The following ADGRV1 variants were observed in gnomAD, a reference collection of about 807,000 sequenced individuals.
ADGRV1 encodes G-protein coupled receptor 98.
Under a neutral mutation model 596.2 loss-of-function variants are expected in ADGRV1, and 359 were observed. The observed-to-expected ratio is 0.60, with a 90% CI of 0.55 to 0.66. The LOEUF is 0.66. ADGRV1 is among the 30% of genes least tolerant of loss of function. The pLI is 0.00. For synonymous variants in ADGRV1, 2,681 were observed against 2,679.2 expected (o/e 1.00, Z -0.02); for missense variants, 7,274 against 7,575.6 (o/e 0.96, Z 1.48).
intron 42 of ADGRV1, among the ~76,000 whole-genome samples, chr5:90,716,111 C>T (rs77932708): frequency 0.033 from 4,994 of 152,216 alleles, 298 homozygotes; most frequent in African/African-American, 0.11. Flanking sequence ...GCTGATAGCC[C>T]TGGGACACTG....
chr5:90,729,556 A>G, intron 49 of ADGRV1, 86 bp from the exon 50 acceptor site: 3 of 1,044,738 alleles, frequency 2.9e-6, no homozygotes, highest in Non-Finnish European at 4.2e-6. Context: ...GTTTCTTGAT[A>G]TTTTTATTAT....
At chr5:91,000,673 T>TGA (rs1251782950) in intron 85 of ADGRV1, among the ~76,000 whole-genome samples, 81 of 82,540 alleles carry the variant, frequency 9.8e-4, no homozygotes, top group African/African-American at 3.2e-3. Flanking sequence ...AGGATCTGTG[T>TGA]GTGTGTGTGT....
intron 89 of ADGRV1, among the ~76,000 whole-genome samples, chr5:91,161,103 A>C (rs2126960880): frequency 6.6e-6 from 1 of 152,252 alleles, no homozygotes; most frequent in Middle Eastern, 3.4e-3. Flanking sequence ...ATTCGGCCTC[A>C]GTCTTCCCTG....
Position 90,676,183 on chromosome 5 carries a change from T to G in ADGRV1, c.5417T>G (p.Val1806Gly). Residue 1806 changes from valine to glycine, a missense_variant, in exon 25 of 90, where the codon GTT becomes GGT. Coordinates refer to ENST00000405460, the MANE Select transcript of ADGRV1 (RefSeq NM_032119.4). ...SIPELEKSFKVELLNLEGGVA... is the reference protein window; with the variant it reads ...SIPELEKSFKGELLNLEGGVA... Reference sequence around the variant, plus strand: ...CCTGAACTGGAAAAATCTTTTAAAGTTGAGTTGTTAAACTTGGAAGGAGGA... The same window carrying G: ...CCTGAACTGGAAAAATCTTTTAAAGGTGAGTTGTTAAACTTGGAAGGAGGA... 6.2e-7 allele frequency: 1 copy of G among 1,606,378 alleles called. No homozygotes were observed. Among genetic ancestry groups the G allele is most frequent in the Non-Finnish European group, 8.5e-7 (1 of 1,176,812 alleles).
intron 33 of ADGRV1, 39 bp downstream of exon 33, chr5:90,694,740 A>G (rs770436137): frequency 2.7e-6 from 4 of 1,482,036 alleles, no homozygotes; most frequent in South Asian, 2.7e-5. Context: ...TTGCCCCAGT[A>G]AAGTCATCAT....
chr5:90,821,441 T>G (rs539755465), intron 75 of ADGRV1, among the ~76,000 whole-genome samples: 27 of 151,932 alleles, frequency 1.8e-4, no homozygotes, highest in Admixed American at 1.4e-3. Flanking sequence ...CCATCCAGCT[T>G]TGTTCCGTTG....
chr5:91,060,378 GTATA>G (rs199745758), intron 85 of ADGRV1, among the ~76,000 whole-genome samples: 7 of 77,120 alleles, frequency 9.1e-5, no homozygotes, highest in Admixed American at 5.5e-4. Context: ...ATGTGTGTGT[GTATA>G]TATATATATA....
At chr5:90,816,283 C>T (rs1356237380) in intron 75 of ADGRV1, among the ~76,000 whole-genome samples, 1 of 151,846 alleles carries the variant, frequency 6.6e-6, no homozygotes, top group Non-Finnish European at 1.5e-5. Context: ...AAATGAGGAA[C>T]ATTTACTTGC....
intron 87 of ADGRV1, among the ~76,000 whole-genome samples, chr5:91,114,804 G>A (rs552722151): frequency 3.8e-4 from 58 of 152,082 alleles, no homozygotes; most frequent in Non-Finnish European, 7.1e-4. Flanking sequence ...AGTCCCCATA[G>A]CCTTTCCTCT....
At chr5:90,989,130 A>C (rs1780748956) in intron 85 of ADGRV1, among the ~76,000 whole-genome samples, 1 of 151,952 alleles carries the variant, frequency 6.6e-6, no homozygotes, top group Non-Finnish European at 1.5e-5. Flanking sequence ...TAGCAGCATG[A>C]TTTATAATCC....
intron 79 of ADGRV1, chr5:90,850,583 T>C (rs1446888956): frequency 6.6e-6 from 1 of 152,172 alleles, no homozygotes; most frequent in Admixed American, 6.5e-5. Flanking sequence ...TTTCCCCTGT[T>C]GAACTATGTT....
chr5:90,803,846 C>T (rs112848119), intron 71 of ADGRV1, among the ~76,000 whole-genome samples: 2 of 151,740 alleles, frequency 1.3e-5, no homozygotes, highest in African/African-American at 2.4e-5. Flanking sequence ...AAAGATTCAG[C>T]AAAACCATTC....
chr5:91,147,882 G>A (rs1171182802), intron 87 of ADGRV1, among the ~76,000 whole-genome samples: 1 of 152,162 alleles, frequency 6.6e-6, no homozygotes, highest in Admixed American at 6.5e-5. Context: ...GAGATTTGTT[G>A]AATAGCTTTA....
chr5:90,654,756 A>G (rs1347575399), intron 20 of ADGRV1: 1 of 152,178 alleles, frequency 6.6e-6, no homozygotes, highest in African/African-American at 2.4e-5. Context: ...GAGGGGGAAA[A>G]AAAGATAGGC....
rs1773078856 is a variant in ADGRV1, at chr5:90,913,481, T to C, written c.17856+49624T>C. 2.0e-5 allele frequency among the ~76,000 whole-genome samples: 3 copies of C among 152,182 alleles called. No homozygotes were observed. In the South Asian group the frequency reaches 6.2e-4, roughly 32 times the overall value. On this transcript the variant is annotated intron_variant, in intron 83 of 89. Coordinates refer to ENST00000405460, the MANE Select transcript of ADGRV1 (RefSeq NM_032119.4). ...CTAATAAAAGTTTAACATTAAAAAG[T>C]GGTAGCATAAAAATAGTTTTAGATT...
At chr5:90,596,804 G>GGGGAGA (rs1215830111) in intron 1 of ADGRV1, among the ~76,000 whole-genome samples, 2 of 152,012 alleles carry the variant, frequency 1.3e-5, no homozygotes, top group African/African-American at 4.8e-5. Context: ...GGGAGACCAT[G>GGGGAGA]GGGAGAGGGC....
intron 79 of ADGRV1, among the ~76,000 whole-genome samples, chr5:90,851,948 C>G (rs1200230913): frequency 6.6e-6 from 1 of 152,132 alleles, no homozygotes; most frequent in Non-Finnish European, 1.5e-5. Flanking sequence ...TTGAGGTTCA[C>G]TGGTCTCTTC....
At chr5:91,025,613 A>T (rs1213428905) in intron 85 of ADGRV1, among the ~76,000 whole-genome samples, 1 of 152,194 alleles carries the variant, frequency 6.6e-6, no homozygotes, top group African/African-American at 2.4e-5. Context: ...CAGGCAAAAG[A>T]CATAGCCGGT....
At chr5:91,001,749 A>G (rs1010321003) in intron 85 of ADGRV1, among the ~76,000 whole-genome samples, 1 of 152,176 alleles carries the variant, frequency 6.6e-6, no homozygotes, top group East Asian at 1.9e-4. Context: ...CTTCAATTAC[A>G]TCTTTCAATA....
Sources: allele counts gnomAD v4.1 joint callset (sites outside exome capture counted in the v4.1 genomes callset), GRCh38; gene constraint gnomAD v4.1.1; transcripts MANE v1.5; gene names NCBI Gene and HGNC (gene_info 2026-07-23, HGNC 2026-07-21).